XYLT1: variants seen among roughly 807,000 people sequenced by gnomAD.
The protein encoded by XYLT1 is xylosyltransferase 1.
Under a neutral mutation model 91.3 loss-of-function variants are expected in XYLT1, and 36 were observed. The ratio of observed to expected loss-of-function variants is 0.39; its 90% CI spans 0.30 to 0.52. The LOEUF (loss-of-function observed/expected upper bound fraction) is 0.52. XYLT1 is among the 20% of genes least tolerant of loss of function. XYLT1 has a pLI of 0.68. For missense variants in XYLT1, 1,242 were observed against 1,284.5 expected, an observed-to-expected ratio of 0.97 and a Z score of 0.51; for synonymous variants, 588 against 532.0, an observed-to-expected ratio of 1.11 and a Z score of -1.45.
intron 3 of XYLT1, among the ~76,000 whole-genome samples, chr16:17,226,623 A>G (rs529654809): frequency 2.6e-5 from 4 of 152,262 alleles, no homozygotes; most frequent in African/African-American, 7.2e-5. Flanking sequence ...CCCTGTCTCT[A>G]CTAAAATACA....
intron 3 of XYLT1, among the ~76,000 whole-genome samples, chr16:17,237,247 C>G (rs2033263203): frequency 6.6e-6 from 1 of 152,170 alleles, no homozygotes; most frequent in Non-Finnish European, 1.5e-5. Flanking sequence ...TTGAAGGGCT[C>G]CAGAAGGAGA....
chr16:17,401,051 A>G (rs896796900), intron 1 of XYLT1, among the ~76,000 whole-genome samples: 66 of 152,136 alleles, frequency 4.3e-4, no homozygotes, highest in African/African-American at 1.5e-3. Context: ...CAATTCTTTA[A>G]CATTAGTGTT....
At chr16:17,125,498 G>A (rs915981460) in intron 10 of XYLT1, among the ~76,000 whole-genome samples, 1 of 151,982 alleles carries the variant, frequency 6.6e-6, no homozygotes, top group African/African-American at 2.4e-5. Context: ...TGCAACTCGA[G>A]TACTCCTAGC....
chr16:17,306,311 C>G, intron 2 of XYLT1, among the ~76,000 whole-genome samples: 1 of 152,130 alleles, frequency 6.6e-6, no homozygotes, highest in East Asian at 1.9e-4. Context: ...GAGAAAAATT[C>G]GAGCTACACA....
chr16:17,425,969 G>GT (rs555252607), intron 1 of XYLT1, among the ~76,000 whole-genome samples: 30 of 152,250 alleles, frequency 2.0e-4, no homozygotes, highest in Non-Finnish European at 4.1e-4. Flanking sequence ...GTCTATACGT[G>GT]TATTTTGCCA....
rs2033560722 is a variant in XYLT1, at chr16:17,252,717, G to A, written c.913+6271C>T. Among the ~76,000 whole-genome samples the A allele has an allele frequency of 2.6e-5, 4 of 152,208 alleles. No individual in the cohort carries two copies. In the South Asian group the frequency reaches 6.2e-4, roughly 24 times the overall value. On this transcript the variant is annotated intron_variant, in intron 3 of 11. Transcript: ENST00000261381. ...GACTCGACATTTTCCCTGAGTGGTGGTGGGGTGAGGGGACAGAGAGCGTGA... is the reference window on the plus strand; with the variant it reads ...GACTCGACATTTTCCCTGAGTGGTGATGGGGTGAGGGGACAGAGAGCGTGA...
intron 5 of XYLT1, among the ~76,000 whole-genome samples, chr16:17,173,175 T>A (rs1368274298): frequency 6.6e-6 from 1 of 152,208 alleles, no homozygotes; most frequent in African/African-American, 2.4e-5. Context: ...GGTCTCTGAG[T>A]ATTTAAATGG....
chr16:17,349,318 A>G (rs1331602011), intron 2 of XYLT1, among the ~76,000 whole-genome samples: 1 of 152,218 alleles, frequency 6.6e-6, no homozygotes, highest in Admixed American at 6.5e-5. Context: ...TCAAATCTCT[A>G]TGTCAATTCT....
intron 2 of XYLT1, among the ~76,000 whole-genome samples, chr16:17,356,860 A>AAGT (rs2035301132): frequency 6.6e-6 from 1 of 152,076 alleles, no homozygotes; most frequent in East Asian, 1.9e-4. Context: ...CCAGCAGGAA[A>AAGT]AGTAACAGTT....
intron 1 of XYLT1, among the ~76,000 whole-genome samples, chr16:17,431,641 A>C (rs114369306): frequency 6.6e-6 from 1 of 152,200 alleles, no homozygotes; most frequent in African/African-American, 2.4e-5. Context: ...AAAATGCTAC[A>C]CCGTTTTTAA....
chr16:17,235,584 C>T (rs74010749), intron 3 of XYLT1, among the ~76,000 whole-genome samples: 7 of 152,282 alleles, frequency 4.6e-5, no homozygotes, highest in Non-Finnish European at 7.3e-5. Context: ...TCCCCAAAGA[C>T]GCGCTGAGTC....
intron 2 of XYLT1, among the ~76,000 whole-genome samples, chr16:17,327,664 G>T (rs2034833315): frequency 7.0e-6 from 1 of 142,116 alleles, no homozygotes; most frequent in African/African-American, 2.7e-5. Flanking sequence ...TTACAGGTGT[G>T]AGCCACCACG....
intron 2 of XYLT1, among the ~76,000 whole-genome samples, chr16:17,274,210 A>G (rs2033937964): frequency 6.6e-6 from 1 of 152,210 alleles, no homozygotes; most frequent in Non-Finnish European, 1.5e-5. Context: ...TTAAATAATA[A>G]AACATATTAT....
intron 2 of XYLT1, among the ~76,000 whole-genome samples, chr16:17,342,222 G>A (rs1433623746): frequency 6.6e-6 from 1 of 152,148 alleles, no homozygotes; most frequent in Non-Finnish European, 1.5e-5. Context: ...CTATCTCAGG[G>A]CCTTTGCCCT....
intron 2 of XYLT1, among the ~76,000 whole-genome samples, chr16:17,291,999 C>T (rs66736059): frequency 0.1 from 15,137 of 151,712 alleles, 999 homozygotes; most frequent in Middle Eastern, 0.2. Flanking sequence ...CCAGCCTGGG[C>T]AACATGGCAA....
intron 10 of XYLT1, among the ~76,000 whole-genome samples, chr16:17,126,931 A>C (rs117697345): frequency 0.02 from 2,974 of 152,348 alleles, 38 homozygotes; most frequent in Non-Finnish European, 0.03. Flanking sequence ...CTTGTGAACA[A>C]TCAATGAGTG....
In XYLT1 at chr16:17,428,814, T is replaced by C. The variant is rs546377814; in HGVS notation, c.363+41620A>G. 2.6e-5 allele frequency among the ~76,000 whole-genome samples: 4 copies of C among 152,316 alleles called. No individual in the cohort carries two copies. In the South Asian group the frequency reaches 8.3e-4, roughly 32 times the overall value. On this transcript the variant is annotated intron_variant, in intron 1 of 11. Coordinates refer to ENST00000261381, the MANE Select transcript of XYLT1 (RefSeq NM_022166.4). ...CAAAAGGTTCCTGATTAACAATCTT[T>C]CAGAGAGGGAGGAGGAAAGAAATTA... is the stretch of plus-strand genomic sequence containing the variant.
At chr16:17,260,599 G>A (rs1040229209) in intron 2 of XYLT1, among the ~76,000 whole-genome samples, 1 of 152,108 alleles carries the variant, frequency 6.6e-6, no homozygotes, top group Non-Finnish European at 1.5e-5. Flanking sequence ...GGATCTGCAG[G>A]GGTACCCAAG....
At chr16:17,155,805 C>A (rs569715284) in intron 6 of XYLT1, among the ~76,000 whole-genome samples, 4 of 152,164 alleles carry the variant, frequency 2.6e-5, no homozygotes, top group African/African-American at 9.7e-5. Flanking sequence ...GTGTAAGAAG[C>A]ATTTCCTCAG....
Sources: gnomAD v4.1 joint callset for allele counts (sites outside exome capture counted in the v4.1 genomes callset) on GRCh38, gnomAD v4.1.1 for gene constraint, MANE v1.5 for transcripts, NCBI Gene and HGNC (gene_info 2026-07-23, HGNC 2026-07-21) for gene names.